The following SLC9B2 variants were observed in gnomAD, a reference collection of about 807,000 sequenced individuals.
The protein encoded by SLC9B2 is sodium/hydrogen exchanger 9B2.
A neutral mutation model predicts 52.2 loss-of-function variants in SLC9B2; 39 were observed. The ratio of observed to expected loss-of-function variants is 0.75; its 90% CI spans 0.58 to 0.98. The LOEUF (loss-of-function observed/expected upper bound fraction) is 0.98. Among genes scored for constraint, SLC9B2 ranks in the 50% least tolerant of loss-of-function variants. The pLI is 0.00. For synonymous variants in SLC9B2, 214 were observed against 227.0 expected, an observed-to-expected ratio of 0.94 and a Z score of 0.51; for missense variants, 626 against 637.5, an observed-to-expected ratio of 0.98 and a Z score of 0.19.
At chr4:103,059,214 A>G (rs1286116080) in intron 3 of SLC9B2, among the ~76,000 whole-genome samples, 2 of 151,216 alleles carry the variant, frequency 1.3e-5, no homozygotes, top group Admixed American at 1.3e-4. Flanking sequence ...AATCCTAATA[A>G]GAGTCTTAGC....
At position 103,066,372 on chromosome 4, in the gene SLC9B2, G is replaced by A; in HGVS notation, c.226C>T (p.Leu76=). Residue 76 remains leucine, a synonymous_variant, in exon 3 of 12, where the codon CTG becomes TTG. Transcript: ENST00000394785. The part of the protein sequence containing the change: ...ANHVQRLRQM[L]ACPPHGLLDR... ...AGTAAACCATGTGGAGGGCAAGCCA[G>A]CATTTGTCTCAGTCTTTGTACGTGA... 14 of 1,614,046 alleles carry A rather than the reference G, an allele frequency of 8.7e-6. No homozygotes were observed. The highest frequency in any genetic ancestry group is 1.1e-5 in the Non-Finnish European group (13 of 1,179,956).
intron 9 of SLC9B2, among the ~76,000 whole-genome samples, chr4:103,042,578 T>G (rs779864880): frequency 5.3e-5 from 8 of 151,162 alleles, no homozygotes; most frequent in African/African-American, 9.7e-5. Flanking sequence ...CATAAAGAAA[T>G]GAAAATCAGA....
intron 10 of SLC9B2, among the ~76,000 whole-genome samples, chr4:103,030,228 C>T (rs1742576795): frequency 1.3e-5 from 2 of 152,010 alleles, no homozygotes; most frequent in South Asian, 2.1e-4. Context: ...TAGTTGATGT[C>T]ACTAGTATAG....
chr4:103,052,190 C>T (rs1158512115), intron 4 of SLC9B2, among the ~76,000 whole-genome samples: 1 of 152,206 alleles, frequency 6.6e-6, no homozygotes, highest in Non-Finnish European at 1.5e-5. Flanking sequence ...AGCTTTCCAC[C>T]TCAGATCATC....
chr4:103,019,519 C>T (rs1473942755), downstream of SLC9B2: 1 of 952,998 alleles, frequency 1.0e-6, no homozygotes, highest in East Asian at 1.2e-4. Flanking sequence ...CTGCGGCCTA[C>T]CGCAAGGAAA....
At position 103,023,148 on chromosome 4, in the gene SLC9B2, T is replaced by C. The variant is rs1455990302; in HGVS notation, c.*3222A>G. 7.2e-5 allele frequency among the ~76,000 whole-genome samples: 11 copies of C among 152,198 alleles called. No individual in the cohort carries two copies. The highest frequency in any genetic ancestry group is 1.5e-5 in the Non-Finnish European group (1 of 68,028). The stretch of plus-strand genomic sequence containing the variant: ...AACTGTCGTGTGGCAAGTAGTTTTC[T>C]GATATTGAGAGAGGATCCTCTTCCT... On this transcript the variant is annotated 3_prime_UTR_variant, in exon 12 of 12. Coordinates refer to ENST00000394785, the MANE Select transcript of SLC9B2 (RefSeq NM_178833.7).
chr4:103,067,574 C>G lies in SLC9B2; in HGVS notation c.-24G>C. ...ATTATTTATAATTAAGAAGATGACA[C>G]AGGGAAGAGGAACGAGATCTGTTTT... On this transcript the variant is annotated 5_prime_UTR_variant, in exon 2 of 12. Transcript: ENST00000394785. 3.9e-6 allele frequency: 6 copies of G among 1,541,266 alleles called. No homozygotes were observed. Among genetic ancestry groups the G allele is most frequent in the Non-Finnish European group, 5.4e-6 (6 of 1,115,010 alleles).
rs983304488 is a variant in SLC9B2, at chr4:103,045,822, T to C, written c.890-826A>G. Among the ~76,000 whole-genome samples the C allele has an allele frequency of 8.5e-5, 13 of 152,282 alleles. No individual in the cohort carries two copies. The South Asian group carries it at 2.7e-3, about 32-fold the overall frequency. ...AAGGTTCTGATTTAATTGTCTAAGA[T>C]AGGACCTACATAAGAGTATTTTTAA... On this transcript the variant is annotated intron_variant, in intron 7 of 11. Coordinates refer to ENST00000394785, the MANE Select transcript of SLC9B2 (RefSeq NM_178833.7).
intron 1 of SLC9B2, among the ~76,000 whole-genome samples, chr4:103,075,941 C>G (rs780656303): frequency 6.6e-6 from 1 of 152,168 alleles, no homozygotes; most frequent in Admixed American, 6.5e-5. Flanking sequence ...CTTAGCACCT[C>G]GAGGATGCTA....
intron 4 of SLC9B2, among the ~76,000 whole-genome samples, chr4:103,050,888 A>T (rs185610294): frequency 1.6e-4 from 25 of 152,362 alleles, no homozygotes; most frequent in Admixed American, 1.1e-3. Context: ...CTGTCATGTC[A>T]GCTGGTGACT....
chr4:103,027,946 ATATT>A (rs1197872559), intron 11 of SLC9B2, among the ~76,000 whole-genome samples: 1 of 152,202 alleles, frequency 6.6e-6, no homozygotes, highest in Non-Finnish European at 1.5e-5. Flanking sequence ...AGAAATTGGA[ATATT>A]TAATTATAAA....
At chr4:103,057,024 A>AT (rs1158169881) in intron 4 of SLC9B2, among the ~76,000 whole-genome samples, 2 of 151,746 alleles carry the variant, frequency 1.3e-5, no homozygotes, top group East Asian at 1.9e-4. Flanking sequence ...GCATTTGCTG[A>AT]TTTTTTTTGT....
chr4:103,057,800 C>G lies in SLC9B2; in HGVS notation c.442+1G>C, dbSNP rs1745282553. 2 of 1,612,752 alleles carry G rather than the reference C, an allele frequency of 1.2e-6. No individual in the cohort carries two copies. The highest frequency in any genetic ancestry group is 1.1e-5 in the South Asian group (1 of 90,668). ...TAGAACAGGAAACATTTAGCACTTACCAAGAAGAGAAGGCAGTGGAGGCAA... is the reference window on the plus strand; with the variant it reads ...TAGAACAGGAAACATTTAGCACTTAGCAAGAAGAGAAGGCAGTGGAGGCAA... On this transcript the variant is annotated splice_donor_variant, in intron 4 of 11. Transcript: ENST00000394785. LOFTEE classifies it high-confidence loss of function.
chr4:103,055,296 AGTTAATGG>A (rs1745034094), intron 4 of SLC9B2, among the ~76,000 whole-genome samples: 1 of 151,712 alleles, frequency 6.6e-6, no homozygotes, highest in South Asian at 2.1e-4. Flanking sequence ...GTAAATGATG[AGTTAATGG>A]GTGCAGCACA....
downstream of SLC9B2, among the ~76,000 whole-genome samples, chr4:103,020,699 C>T (rs1741725387): frequency 6.6e-6 from 1 of 152,112 alleles, no homozygotes; most frequent in African/African-American, 2.4e-5. Flanking sequence ...GAGTGCAGTG[C>T]GATCTAGGCT....
chr4:103,029,174 T>C (rs903303908), intron 10 of SLC9B2, among the ~76,000 whole-genome samples: 2 of 152,148 alleles, frequency 1.3e-5, no homozygotes, highest in East Asian at 1.9e-4. Context: ...GCAAGAACCA[T>C]GCTTGTTCAT....
chr4:103,035,926 T>C (rs1297117846), intron 9 of SLC9B2, among the ~76,000 whole-genome samples: 1 of 152,142 alleles, frequency 6.6e-6, no homozygotes, highest in Admixed American at 6.6e-5. Flanking sequence ...ATATACACCA[T>C]AGAATACTAT....
rs115828757 is a variant in SLC9B2 at position 103,048,905 on chromosome 4, C to T, written c.701G>A (p.Gly234Glu). ...AAACAATCATTACCCCAGTATAAAT[C>T]CCCATTGCCATGGTAAACCCAGCAG... ...HYLLGLPWQWGFILGFVLGAV... is the reference protein window; with the variant it reads ...HYLLGLPWQWEFILGFVLGAV... Residue 234 changes from glycine (G) to glutamate (E), a missense_variant, in exon 6 of 12, where the codon GGA (glycine) becomes GAA (glutamate). Transcript: ENST00000394785. The T allele has an allele frequency of 2.7e-5, 44 of 1,613,634 alleles. No individual in the cohort carries two copies. Among genetic ancestry groups the T allele is most frequent in the South Asian group, 4.4e-5 (4 of 91,038 alleles).
intron 9 of SLC9B2, among the ~76,000 whole-genome samples, chr4:103,037,591 A>G (rs1312058810): frequency 1.3e-5 from 2 of 152,204 alleles, no homozygotes; most frequent in South Asian, 4.1e-4. Flanking sequence ...GATTTATTTA[A>G]TAGTTCTGTT....
Sources: gnomAD v4.1 joint callset for allele counts (sites outside exome capture counted in the v4.1 genomes callset) on GRCh38, gnomAD v4.1.1 for gene constraint, MANE v1.5 for transcripts, NCBI Gene and HGNC (gene_info 2026-07-23, HGNC 2026-07-21) for gene names.